Variants in PLCB1 observed in about 807,000 individuals in gnomAD.
PLCB1 encodes the protein phospholipase C beta 1.
Under a neutral mutation model 161.8 loss-of-function variants are expected in PLCB1, and 46 were observed. The observed-to-expected ratio is 0.28, with a 90% CI of 0.22 to 0.36. The LOEUF (loss-of-function observed/expected upper bound fraction) is 0.36, where lower values mean the gene tolerates loss of function less well. Among genes scored for constraint, PLCB1 ranks in the 10% least tolerant of loss-of-function variants. The pLI, the probability that PLCB1 is intolerant of heterozygous loss-of-function variation, is 1.00. For synonymous variants in PLCB1, 517 were observed against 503.7 expected, an observed-to-expected ratio of 1.03 and a Z score of -0.35; for missense variants, 1,016 against 1,472.5, an observed-to-expected ratio of 0.69 and a Z score of 5.07.
At chr20:8,584,483 G>GACACACACACACAGACAC (rs1555774023) in intron 3 of PLCB1, among the ~76,000 whole-genome samples, 1 of 147,664 alleles carries the variant, frequency 6.8e-6, no homozygotes, top group African/African-American at 2.5e-5. Flanking sequence ...CACACACACA[G>GACACACACACACAGACAC]ACACACACAC....
At chr20:8,700,788 T>C (rs954806360) in intron 11 of PLCB1, among the ~76,000 whole-genome samples, 1 of 152,132 alleles carries the variant, frequency 6.6e-6, no homozygotes, top group Non-Finnish European at 1.5e-5. Flanking sequence ...CAGGAGTGAA[T>C]TCATCATCCC....
chr20:8,662,011 TTATATATAA>T (rs1989648202), intron 9 of PLCB1, among the ~76,000 whole-genome samples: 1 of 93,208 alleles, frequency 1.1e-5, no homozygotes, highest in African/African-American at 4.4e-5. Context: ...TATTATATAA[TTATATATAA>T]TATACAATTA....
chr20:8,568,586 GT>G (rs1227051383), intron 3 of PLCB1, among the ~76,000 whole-genome samples: 5 of 152,096 alleles, frequency 3.3e-5, no homozygotes, highest in African/African-American at 9.7e-5. Flanking sequence ...TGTTTTAAGA[GT>G]TTTAAAAGAC....
At chr20:8,791,450 A>G (rs766260903) in intron 31 of PLCB1, among the ~76,000 whole-genome samples, 1 of 152,192 alleles carries the variant, frequency 6.6e-6, no homozygotes, top group Non-Finnish European at 1.5e-5. Context: ...CTGAAATTTA[A>G]GAAACACTTT....
intron 2 of PLCB1, among the ~76,000 whole-genome samples, chr20:8,223,390 A>G (rs995335836): frequency 1.3e-5 from 2 of 152,162 alleles, no homozygotes; most frequent in Admixed American, 1.3e-4. Flanking sequence ...GGAGGAATCA[A>G]AATTGAACAA....
rs202009902 is a variant in PLCB1, at chr20:8,881,833, T to C, written c.3635T>C (p.Phe1212Ser). ...ELGGDIPGKEFDTPL is the reference protein window; with the variant it reads ...ELGGDIPGKESDTPL ...GGAGGAGACATCCCAGGAAAAGAAT[T>C]TGATACTCCTCTGTGAATGCTCCTG... The change falls in exon 32 of 32, where the codon TTT becomes TCT. Residue 1212 changes from phenylalanine (F) to serine (S), a missense_variant. Physicochemically the swap from Phe to Ser is radical, Grantham distance 155. Coordinates refer to ENST00000338037, the MANE Select transcript of PLCB1 (RefSeq NM_015192.4). 6.8e-5 allele frequency: 110 copies of C among 1,611,908 alleles called. No homozygotes were observed. The highest frequency in any genetic ancestry group is 5.7e-4 in the African/African-American group (43 of 75,004).
intron 3 of PLCB1, among the ~76,000 whole-genome samples, chr20:8,405,116 T>C (rs916484901): frequency 2.0e-5 from 3 of 152,082 alleles, no homozygotes; most frequent in Non-Finnish European, 4.4e-5. Flanking sequence ...ACAATAAACA[T>C]TTGTTATTGC....
intron 3 of PLCB1, among the ~76,000 whole-genome samples, chr20:8,485,956 T>C (rs1982705839): frequency 6.6e-6 from 1 of 151,946 alleles, no homozygotes; most frequent in Non-Finnish European, 1.5e-5. Flanking sequence ...GACTCACAGT[T>C]CCACAGGGCT....
At chr20:8,443,642 C>A (rs1980670392) in intron 3 of PLCB1, among the ~76,000 whole-genome samples, 1 of 152,150 alleles carries the variant, frequency 6.6e-6, no homozygotes, top group Non-Finnish European at 1.5e-5. Context: ...TGAGTTTCAC[C>A]AGTGGGAGGT....
At chr20:8,298,354 C>T (rs1279184242) in intron 2 of PLCB1, among the ~76,000 whole-genome samples, 1 of 151,390 alleles carries the variant, frequency 6.6e-6, no homozygotes, top group African/African-American at 2.4e-5. Flanking sequence ...TGCGTCTGCA[C>T]CACAAGAGAC....
chr20:8,403,467 G>A (rs35480505), intron 3 of PLCB1, among the ~76,000 whole-genome samples: 21,116 of 152,220 alleles, frequency 0.14, 1,876 homozygotes, highest in Non-Finnish European at 0.19. Context: ...ATTGGGAATC[G>A]TAAGAAGTGT....
chr20:8,336,580 G>A (rs1026407304), intron 2 of PLCB1, among the ~76,000 whole-genome samples: 3 of 152,264 alleles, frequency 2.0e-5, no homozygotes, highest in South Asian at 2.1e-4. Flanking sequence ...GGAGGTCTGG[G>A]CTGGGGTGTG....
At chr20:8,417,519 A>C (rs1215844788) in intron 3 of PLCB1, among the ~76,000 whole-genome samples, 1 of 151,894 alleles carries the variant, frequency 6.6e-6, no homozygotes, top group African/African-American at 2.4e-5. Flanking sequence ...GCAAATTCAT[A>C]TATTTGCATT....
chr20:8,418,711 C>T (rs2122537666), intron 3 of PLCB1, among the ~76,000 whole-genome samples: 1 of 151,840 alleles, frequency 6.6e-6, no homozygotes, highest in South Asian at 2.1e-4. Flanking sequence ...TTCCTTTGTC[C>T]ATGAATTTAT....
intron 11 of PLCB1, among the ~76,000 whole-genome samples, chr20:8,701,599 C>G (rs1366370003): frequency 6.6e-6 from 1 of 152,178 alleles, no homozygotes; most frequent in Non-Finnish European, 1.5e-5. Context: ...TTGCTTAATT[C>G]CTATGTTCCT....
At chr20:8,141,147 T>C (rs1040931162) in intron 1 of PLCB1, among the ~76,000 whole-genome samples, 1 of 152,214 alleles carries the variant, frequency 6.6e-6, no homozygotes, top group Non-Finnish European at 1.5e-5. Context: ...AAGAGATTGA[T>C]AGACTTTTCC....
intron 22 of PLCB1, 23 bp downstream of exon 22, chr20:8,740,471 C>T (rs753485126): frequency 2.3e-6 from 3 of 1,319,466 alleles, no homozygotes; most frequent in Admixed American, 4.5e-5. Flanking sequence ...ACTCAAATAC[C>T]ACTTTACTCA....
At chr20:8,749,733 T>C (rs1348179743) in intron 23 of PLCB1, among the ~76,000 whole-genome samples, 1 of 152,212 alleles carries the variant, frequency 6.6e-6, no homozygotes, top group Non-Finnish European at 1.5e-5. Context: ...GATAGCCTGC[T>C]GAGTAACCTG....
chr20:8,539,664 C>CTTTCTTTT lies in PLCB1; in HGVS notation c.247-88623_247-88622insTTTTCTTT, dbSNP rs1555768766. Among the ~76,000 whole-genome samples the CTTTCTTTT allele has an allele frequency of 2.7e-4, 25 of 93,746 alleles. 1 individual carries two copies. The highest frequency in any genetic ancestry group is 1.0e-3 in the African/African-American group (24 of 22,946). 61.5% of individuals were successfully genotyped at this position (93,746 alleles called of 152,430 possible). On this transcript the variant is annotated intron_variant, in intron 3 of 31. Coordinates refer to ENST00000338037, the MANE Select transcript of PLCB1 (RefSeq NM_015192.4). Reference sequence around the variant, plus strand: ...TCTTTCTTTCTTTCTTTCTTTCTTTCTTTCTTTCTTTCTTTCTTTCTTTTT... The same window carrying CTTTCTTTT: ...TCTTTCTTTCTTTCTTTCTTTCTTTCTTTCTTTTTTTCTTTCTTTCTTTCTTTCTTTTT...
Sources: allele counts gnomAD v4.1 joint callset (sites outside exome capture counted in the v4.1 genomes callset), GRCh38; gene constraint gnomAD v4.1.1; transcripts MANE v1.5; gene names NCBI Gene and HGNC (gene_info 2026-07-23, HGNC 2026-07-21).